TLK2: variants seen among roughly 807,000 people sequenced by gnomAD.
TLK2 encodes serine/threonine-protein kinase tousled-like 2.
In TLK2, 6 loss-of-function variants were observed where a neutral mutation model predicts 117.3. That is an observed-to-expected ratio of 0.05 (90% CI 0.03 to 0.10). TLK2 has a LOEUF of 0.10. TLK2 is among the 10% of genes least tolerant of loss of function. The pLI is 1.00. For synonymous variants in TLK2, 257 were observed against 316.7 expected (o/e 0.81, Z 2.00); for missense variants, 299 against 901.2 (o/e 0.33, Z 8.56).
intron 2 of TLK2, among the ~76,000 whole-genome samples, chr17:62,482,552 C>A (rs1048116569): frequency 3.3e-5 from 5 of 150,948 alleles, no homozygotes; most frequent in Non-Finnish European, 7.4e-5. Flanking sequence ...TGGGTTCAAG[C>A]GATTCTCTTG....
At chr17:62,552,013 G>A (rs2078502867) in intron 7 of TLK2, 1 of 392,226 alleles carries the variant, frequency 2.5e-6, no homozygotes, top group African/African-American at 2.1e-5. Context: ...AGTTATTACA[G>A]GAATAACTTT....
At chr17:62,542,355 C>T (rs1199960760) in intron 7 of TLK2, among the ~76,000 whole-genome samples, 1 of 152,194 alleles carries the variant, frequency 6.6e-6, no homozygotes, top group Non-Finnish European at 1.5e-5. Context: ...CATCCTCCTA[C>T]CTTGGCCTCT....
At chr17:62,503,257 A>G (rs537529498) in intron 2 of TLK2, among the ~76,000 whole-genome samples, 59 of 151,626 alleles carry the variant, frequency 3.9e-4, no homozygotes, top group Non-Finnish European at 7.7e-4. Flanking sequence ...ACGGGGTTTC[A>G]CTGTGTTAGC....
chr17:62,578,718 A>G (rs531499811), intron 14 of TLK2, 144 bp downstream of exon 14: 1 of 597,504 alleles, frequency 1.7e-6, no homozygotes, highest in African/African-American at 1.9e-5. Flanking sequence ...CATCTAATAC[A>G]ATTTTGTGAA....
chr17:62,540,400 A>AT lies in TLK2; in HGVS notation c.531+4086dup, dbSNP rs534202077. ...ATTTTACCTTCAAAATATGTTCAGA[A>AT]TTTTTTTTTTTTTTTTTTTTTTTGA... On this transcript the variant is annotated intron_variant, in intron 7 of 21. Transcript: ENST00000346027. 5.2e-3 allele frequency among the ~76,000 whole-genome samples: 103 copies of AT among 19,992 alleles called. 10 individuals are homozygous for AT. The highest frequency in any genetic ancestry group is 0.015 in the East Asian group (2 of 132). 13.1% of individuals were successfully genotyped at this position (19,992 alleles called of 152,430 possible). A position where few individuals can be genotyped will look rare whatever the true frequency, so the allele number is the denominator to read the frequency against.
chr17:62,584,960 A>G (rs1046229248), intron 15 of TLK2, among the ~76,000 whole-genome samples: 1 of 152,250 alleles, frequency 6.6e-6, no homozygotes, highest in African/African-American at 2.4e-5. Flanking sequence ...TAAGCTTTTA[A>G]TCTAAACTTT....
intron 21 of TLK2, among the ~76,000 whole-genome samples, chr17:62,608,854 C>CA (rs11454400): frequency 0.67 from 102,290 of 151,968 alleles, 34,614 homozygotes; most frequent in East Asian, 0.82. Flanking sequence ...ATAAAAAACT[C>CA]GTGAGGCAAA....
upstream of TLK2, among the ~76,000 whole-genome samples, chr17:62,473,937 G>A (rs554360784): frequency 3.5e-4 from 53 of 151,888 alleles, no homozygotes; most frequent in South Asian, 1.9e-3. Flanking sequence ...TCACTGACAC[G>A]CAGGCTGGAG....
chr17:62,559,179 A>T (rs974387775), intron 9 of TLK2, among the ~76,000 whole-genome samples: 12 of 152,146 alleles, frequency 7.9e-5, no homozygotes, highest in African/African-American at 2.9e-4. Flanking sequence ...GCATTCTTGA[A>T]CCAGGACGTT....
At chr17:62,597,801 G>T (rs1006936461) in intron 17 of TLK2, among the ~76,000 whole-genome samples, 1 of 152,144 alleles carries the variant, frequency 6.6e-6, no homozygotes, top group Non-Finnish European at 1.5e-5. Flanking sequence ...TTGTTACTTG[G>T]TATAGGTAAC....
At chr17:62,493,193 C>A (rs763376166) in intron 2 of TLK2, among the ~76,000 whole-genome samples, 2 of 152,204 alleles carry the variant, frequency 1.3e-5, no homozygotes, top group African/African-American at 4.8e-5. Flanking sequence ...TTTGACTACT[C>A]TAGGTACTAA....
chr17:62,576,833 T>C, intron 13 of TLK2, 58 bp downstream of exon 13: 1 of 1,378,412 alleles, frequency 7.3e-7, no homozygotes, highest in African/African-American at 1.4e-5. Context: ...AAATTTGGGG[T>C]TGAAGCTATT....
chr17:62,491,832 T>A (rs199545100), intron 2 of TLK2, among the ~76,000 whole-genome samples: 1 of 152,158 alleles, frequency 6.6e-6, no homozygotes, highest in Admixed American at 6.5e-5. Context: ...GATCCACCCG[T>A]CTTGGCCTCC....
chr17:62,569,293 CT>C, intron 11 of TLK2, among the ~76,000 whole-genome samples: 1 of 147,030 alleles, frequency 6.8e-6, no homozygotes, highest in East Asian at 2.0e-4. Flanking sequence ...CAGAGTGAGA[CT>C]TCGTCTCCAA....
chr17:62,518,397 C>T (rs1387080269), intron 2 of TLK2, among the ~76,000 whole-genome samples: 5 of 152,024 alleles, frequency 3.3e-5, no homozygotes, highest in Admixed American at 3.3e-4. Context: ...TATACCTAGA[C>T]AACTAAATGG....
intron 17 of TLK2, among the ~76,000 whole-genome samples, chr17:62,596,906 A>G (rs1487630142): frequency 6.6e-6 from 1 of 152,220 alleles, no homozygotes; most frequent in Non-Finnish European, 1.5e-5. Context: ...GTATGAAGAG[A>G]GACAGGGCTA....
rs892276656 is a variant in TLK2, at chr17:62,532,174, T to TTTG, written c.364-3975_364-3973dup. On this transcript the variant is annotated intron_variant, in intron 6 of 21. Coordinates refer to ENST00000346027, the MANE Select transcript of TLK2 (RefSeq NM_006852.6). ...AACTCTTCAGTGCTTTTAATGTTTT[T>TTTG]TTGTTGTTGTTGTTGTTGTTGTTCG... Among the ~76,000 whole-genome samples, 99 of 152,218 alleles carry TTTG rather than the reference T, an allele frequency of 6.5e-4. 1 individual carries two copies. The highest frequency in any genetic ancestry group is 2.7e-3 in the Admixed American group (41 of 15,282).
chr17:62,517,160 C>G (rs1213908585), intron 2 of TLK2, among the ~76,000 whole-genome samples: 1 of 152,232 alleles, frequency 6.6e-6, no homozygotes, highest in Non-Finnish European at 1.5e-5. Flanking sequence ...CTGCCTCACC[C>G]TCCCAAAGTG....
At chr17:62,493,542 C>G (rs2073331220) in intron 2 of TLK2, among the ~76,000 whole-genome samples, 1 of 152,184 alleles carries the variant, frequency 6.6e-6, no homozygotes. Flanking sequence ...AAACTGTACT[C>G]TTTTGTTGAC....
Sources: allele counts gnomAD v4.1 joint callset (sites outside exome capture counted in the v4.1 genomes callset), GRCh38; gene constraint gnomAD v4.1.1; transcripts MANE v1.5; gene names NCBI Gene and HGNC (gene_info 2026-07-23, HGNC 2026-07-21).